NKIRAS2: variants seen among roughly 807,000 people sequenced by gnomAD.
The protein encoded by NKIRAS2 is NFKB inhibitor interacting Ras like 2, also known as NF-kappa-B inhibitor-interacting Ras-like protein 2.
A neutral mutation model predicts 20.7 loss-of-function variants in NKIRAS2; 15 were observed. The observed-to-expected ratio is 0.73, with a 90% CI of 0.49 to 1.12. The LOEUF (loss-of-function observed/expected upper bound fraction) is 1.12, where lower values mean the gene tolerates loss of function less well. NKIRAS2 is among the 50% of genes most tolerant of loss of function. NKIRAS2 has a pLI of 0.00. For synonymous variants in NKIRAS2, 116 were observed against 101.4 expected (o/e 1.14, Z -0.87); for missense variants, 196 against 249.6 (o/e 0.79, Z 1.45).
At chr17:42,022,710 G>A in intron 3 of NKIRAS2, 70 bp downstream of exon 3, 5 of 1,539,172 alleles carry the variant, frequency 3.2e-6, no homozygotes, top group Non-Finnish European at 4.4e-6. Context: ...GGTTTGGGAA[G>A]CCTGGCATGG....
chr17:42,017,869 C>T (rs1437983718), upstream of NKIRAS2, among the ~76,000 whole-genome samples: 5 of 152,250 alleles, frequency 3.3e-5, no homozygotes, highest in East Asian at 1.9e-4. Context: ...TCCACAGCTT[C>T]TTCCCGGGAA....
chr17:42,019,280 GCAA>G (rs370782252), upstream of NKIRAS2, among the ~76,000 whole-genome samples: 278 of 151,876 alleles, frequency 1.8e-3, no homozygotes, highest in African/African-American at 6.0e-3. Flanking sequence ...CTCAAAAACG[GCAA>G]CAACAACAAC....
chr17:42,021,879 A>G (rs561919101), intron 2 of NKIRAS2: 2 of 737,062 alleles, frequency 2.7e-6, no homozygotes, highest in East Asian at 2.6e-5. Flanking sequence ...AGAAGCTGTC[A>G]TGTCACACTT....
intron 1 of NKIRAS2, 69 bp downstream of exon 1, chr17:42,020,273 G>C (rs2052408865): frequency 6.6e-6 from 1 of 152,430 alleles, no homozygotes; most frequent in Non-Finnish European, 1.5e-5. Context: ...GCTTTAGGTG[G>C]CTGGTCTCTG....
intron 2 of NKIRAS2, 46 bp downstream of exon 2, chr17:42,021,717 T>C: frequency 2.6e-6 from 4 of 1,536,340 alleles, no homozygotes; most frequent in Non-Finnish European, 3.6e-6. Flanking sequence ...AGTTGAAAAA[T>C]AAGGAATAGG....
At chr17:42,018,797 C>T (rs1444160401), upstream of NKIRAS2, among the ~76,000 whole-genome samples, 9 of 152,186 alleles carry the variant, frequency 5.9e-5, no homozygotes, top group Admixed American at 5.9e-4. Context: ...TTCATATCTC[C>T]AACCTAGACC....
chr17:42,017,620 T>C, upstream of NKIRAS2: 1 of 629,160 alleles, frequency 1.6e-6, no homozygotes, highest in South Asian at 2.0e-5. Context: ...GCCCAGGGGC[T>C]GTGCCGGTGC....
At position 42,024,778 on chromosome 17, in the gene NKIRAS2, A is replaced by G. The variant is rs1212106542; in HGVS notation, c.*885A>G. On this transcript the variant is annotated 3_prime_UTR_variant, in exon 4 of 4. Coordinates refer to ENST00000393885, the MANE Select transcript of NKIRAS2 (RefSeq NM_017595.6). Reference sequence around the variant, plus strand: ...AACAGAGCAAGACTCCATCTCGAAGAAAAAAAAAAAAAATTCCCCACCCCT... The same window carrying G: ...AACAGAGCAAGACTCCATCTCGAAGGAAAAAAAAAAAAATTCCCCACCCCT... 1.0e-4 allele frequency: 1 copy of G among 9,992 alleles called. No homozygotes were observed. The highest frequency in any genetic ancestry group is 9.8e-3 in the East Asian group (1 of 102). 0.6% of individuals were successfully genotyped at this position (9,992 alleles called of 1,614,324 possible).
rs1555653023 is a variant in NKIRAS2 at position 42,021,592 on chromosome 17, C to T, written c.15C>T (p.Cys5=). The T allele has an allele frequency of 6.2e-7, 1 of 1,614,118 alleles. No individual in the cohort carries two copies. Among genetic ancestry groups the T allele is most frequent in the East Asian group, 2.2e-5 (1 of 44,880 alleles). Residue 5 remains cysteine (C), a synonymous_variant, in exon 2 of 4, where the codon TGC becomes TGT. Transcript: ENST00000393885. MGKS[C]KVVVCGQASV... ...GAAAACTAAGCATGGGGAAGAGCTGCAAGGTGGTCGTGTGTGGCCAGGCGT... is the reference window on the plus strand; with the variant it reads ...GAAAACTAAGCATGGGGAAGAGCTGTAAGGTGGTCGTGTGTGGCCAGGCGT...
intron 2 of NKIRAS2, 82 bp from the exon 3 acceptor site, chr17:42,022,317 T>C (rs2052473386): frequency 7.0e-7 from 1 of 1,425,856 alleles, no homozygotes; most frequent in Non-Finnish European, 9.5e-7. Flanking sequence ...TTTCTCCCCA[T>C]TTGGTCAGCC....
upstream of NKIRAS2, among the ~76,000 whole-genome samples, chr17:42,019,639 GTGT>G (rs1567976991): frequency 6.6e-6 from 1 of 152,106 alleles, no homozygotes; most frequent in Non-Finnish European, 1.5e-5. Context: ...AGGCCCTTCA[GTGT>G]CTGCTGACTC....
rs536342839 is a variant in NKIRAS2, at chr17:42,024,190, G to C, written c.*297G>C. On this transcript the variant is annotated 3_prime_UTR_variant, in exon 4 of 4. Coordinates refer to ENST00000393885, the MANE Select transcript of NKIRAS2 (RefSeq NM_017595.6). Reference sequence around the variant, plus strand: ...TGTCCCTTCCAGCTGCCCCAGACAGGAAGCAGAGTCACCACGCAGCAGTGT... The same window carrying C: ...TGTCCCTTCCAGCTGCCCCAGACAGCAAGCAGAGTCACCACGCAGCAGTGT... 2.5e-6 allele frequency: 1 copy of C among 398,328 alleles called. No individual in the cohort carries two copies. The highest frequency in any genetic ancestry group is 2.0e-5 in the African/African-American group (1 of 49,138). 24.7% of individuals were successfully genotyped at this position (398,328 alleles called of 1,614,324 possible). A position where few individuals can be genotyped will look rare whatever the true frequency, so the allele number is the denominator to read the frequency against.
At chr17:42,021,440 T>G in intron 1 of NKIRAS2, 124 bp from the exon 2 acceptor site, 1 of 734,670 alleles carries the variant, frequency 1.4e-6, no homozygotes, top group Non-Finnish European at 2.4e-6. Context: ...CTCTCAGTTA[T>G]GGACGTTCTG....
rs2052450154 is a variant in NKIRAS2, at chr17:42,021,572, C to G, written c.-6C>G. ...TGCTTCTGTTCTTCAAGGTTGAAAA[C>G]TAAGCATGGGGAAGAGCTGCAAGGT... On this transcript the variant is annotated 5_prime_UTR_variant, in exon 2 of 4. Coordinates refer to ENST00000393885, the MANE Select transcript of NKIRAS2 (RefSeq NM_017595.6). 6.2e-7 allele frequency: 1 copy of G among 1,614,048 alleles called. No individual in the cohort carries two copies. Among genetic ancestry groups the G allele is most frequent in the Non-Finnish European group, 8.5e-7 (1 of 1,179,916 alleles).
chr17:42,023,370 T>A (rs1429543574), intron 3 of NKIRAS2, among the ~76,000 whole-genome samples: 1 of 152,190 alleles, frequency 6.6e-6, no homozygotes, highest in Non-Finnish European at 1.5e-5. Context: ...TCACCTGTTG[T>A]TGAGCCAGAA....
intron 1 of NKIRAS2, chr17:42,020,539 A>G: frequency 6.6e-6 from 1 of 151,800 alleles, no homozygotes; most frequent in Non-Finnish European, 1.5e-5. Flanking sequence ...TCTGTCTGGG[A>G]CCTCTTAGGG....
chr17:42,022,286 C>T, intron 2 of NKIRAS2, 113 bp from the exon 3 acceptor site: 2 of 1,107,558 alleles, frequency 1.8e-6, no homozygotes, highest in Non-Finnish European at 2.6e-6. Context: ...ATTCTCTGGC[C>T]TCCTCAGCCC....
At chr17:42,023,032 T>C in intron 3 of NKIRAS2, 1 of 307,788 alleles carries the variant, frequency 3.2e-6, no homozygotes, top group Non-Finnish European at 6.6e-6. Flanking sequence ...AGACAGGGTC[T>C]CACTCTGCCA....
upstream of NKIRAS2, among the ~76,000 whole-genome samples, chr17:42,018,932 A>G (rs1555652519): frequency 6.6e-6 from 1 of 152,196 alleles, no homozygotes; most frequent in African/African-American, 2.4e-5. Context: ...CCTCAACAAC[A>G]GAAAAAACAA....
Sources: gnomAD v4.1 joint callset for allele counts (sites outside exome capture counted in the v4.1 genomes callset) on GRCh38, gnomAD v4.1.1 for gene constraint, MANE v1.5 for transcripts, NCBI Gene and HGNC (gene_info 2026-07-23, HGNC 2026-07-21) for gene names.